Variants in TMEM216 observed in about 807,000 individuals in gnomAD.
TMEM216 encodes cerebello-oculo-renal syndrome 2.
Under a neutral mutation model 17.8 loss-of-function variants are expected in TMEM216, and 15 were observed. That is an observed-to-expected ratio of 0.84 (90% CI 0.56 to 1.30). The LOEUF is 1.30. TMEM216 is among the 50% of genes most tolerant of loss of function. The pLI, the probability that TMEM216 is intolerant of heterozygous loss-of-function variation, is 0.00. For synonymous variants in TMEM216, 58 were observed against 73.5 expected (o/e 0.79, Z 1.08); for missense variants, 160 against 175.7 (o/e 0.91, Z 0.51).
chr11:61,392,705 C>T (rs1439053048), intron 1 of TMEM216, 40 bp downstream of exon 1: 2 of 1,536,004 alleles, frequency 1.3e-6, no homozygotes, highest in Non-Finnish European at 1.7e-6. Flanking sequence ...GTCCCTTTCC[C>T]TTCGGTCGCT....
chr11:61,397,694 C>A, intron 3 of TMEM216, 80 bp from the exon 4 acceptor site: 1 of 1,326,512 alleles, frequency 7.5e-7, no homozygotes, highest in Non-Finnish European at 1.1e-6. Flanking sequence ...CCTTGCCATT[C>A]CATCACATCT....
intron 4 of TMEM216, 88 bp downstream of exon 4, chr11:61,398,063 G>T: frequency 1.3e-6 from 2 of 1,529,094 alleles, no homozygotes; most frequent in Non-Finnish European, 1.8e-6. Context: ...AAGCCTAAGG[G>T]GTCTAGAAGA....
chr11:61,394,771 A>G (rs368102059), intron 3 of TMEM216, among the ~76,000 whole-genome samples: 152 of 151,524 alleles, frequency 1.0e-3, no homozygotes, highest in African/African-American at 3.3e-3. Flanking sequence ...GGTTCAAGCA[A>G]TTCTCCTGCC....
At chr11:61,396,028 A>T (rs1379626370) in intron 3 of TMEM216, among the ~76,000 whole-genome samples, 5 of 149,332 alleles carry the variant, frequency 3.3e-5, no homozygotes, top group African/African-American at 7.7e-5. Flanking sequence ...AAACTAGATT[A>T]AAAAAAAATT....
chr11:61,393,247 C>T lies in TMEM216; in HGVS notation c.51C>T (p.Ser17=), dbSNP rs548233683. 2.3e-5 allele frequency: 36 copies of T among 1,535,888 alleles called. No individual in the cohort carries two copies. The African/African-American group carries it at 4.9e-4, about 21-fold the overall frequency. The change falls in exon 2 of 5, where the codon TCC becomes TCT. Residue 17 remains serine (S), a synonymous_variant. Coordinates refer to ENST00000515837, the MANE Select transcript of TMEM216 (RefSeq NM_001173990.3). ...KMAPRGKRLS[S]TPLEILFFLN... is the part of the protein sequence containing the mutation. ...CTTTTTCAGGTAAACGGTTGTCCTC[C>T]ACCCCGCTGGAAATCCTGTTCTTTC...
intron 1 of TMEM216, 136 bp from the exon 2 acceptor site, chr11:61,393,095 A>G: frequency 1.4e-6 from 1 of 694,256 alleles, no homozygotes. Flanking sequence ...CCTCATTATC[A>G]GCAACCAGAA....
chr11:61,392,620 C>G lies in TMEM216; in HGVS notation c.-12C>G, dbSNP rs763446103. 1 of 1,535,790 alleles carries G rather than the reference C, an allele frequency of 6.5e-7. No individual in the cohort carries two copies. The highest frequency in any genetic ancestry group is 1.2e-5 in the South Asian group (1 of 84,048). On this transcript the variant is annotated 5_prime_UTR_variant, in exon 1 of 5. Transcript: ENST00000515837. The stretch of plus-strand genomic sequence containing the variant: ...CAGCGCCGCGCTGCTCCGGGAGCCG[C>G]TGTGGCAGCGTATGCTGCCACGGGG...
intron 3 of TMEM216, among the ~76,000 whole-genome samples, chr11:61,395,713 C>T (rs952690368): frequency 5.5e-5 from 8 of 145,582 alleles, no homozygotes; most frequent in African/African-American, 1.9e-4. Flanking sequence ...CTAGCCTGGG[C>T]GACAAAGTGA....
chr11:61,394,020 C>G, intron 3 of TMEM216, 44 bp downstream of exon 3: 1 of 1,551,254 alleles, frequency 6.4e-7, no homozygotes, highest in South Asian at 1.1e-5. Flanking sequence ...ATGAGACAAG[C>G]TGGTATCTGT....
intron 3 of TMEM216, among the ~76,000 whole-genome samples, chr11:61,397,133 C>G (rs1355520449): frequency 6.6e-6 from 1 of 151,652 alleles, no homozygotes; most frequent in Admixed American, 6.6e-5. Flanking sequence ...AGGTCTTTCA[C>G]TTTCTATAGT....
chr11:61,392,832 A>G (rs1858704440), intron 1 of TMEM216, 167 bp downstream of exon 1: 1 of 985,204 alleles, frequency 1.0e-6, no homozygotes, highest in Admixed American at 6.2e-5. Flanking sequence ...GGGTGCCTGA[A>G]GGTCTCAAGG....
chr11:61,392,644 G>A lies in TMEM216; in HGVS notation c.13G>A (p.Gly5Arg), dbSNP rs1793119257. The A allele has an allele frequency of 2.0e-6, 3 of 1,536,100 alleles. No homozygotes were observed. The highest frequency in any genetic ancestry group is 2.6e-6 in the Non-Finnish European group (3 of 1,146,902). Residue 5 changes from glycine (G) to arginine (R), a missense_variant, in exon 1 of 5, where the codon GGA becomes AGA. Transcript: ENST00000515837. MLPRGLKMAPRGKRL... is the reference protein window; with the variant it reads MLPRRLKMAPRGKRL... Reference sequence around the variant, plus strand: ...GCTGTGGCAGCGTATGCTGCCACGGGGACTGAAGATGGCGCCGCGAGGTGA... The same window carrying A: ...GCTGTGGCAGCGTATGCTGCCACGGAGACTGAAGATGGCGCCGCGAGGTGA...
chr11:61,397,054 T>C (rs1025351773), intron 3 of TMEM216, among the ~76,000 whole-genome samples: 2 of 152,040 alleles, frequency 1.3e-5, no homozygotes, highest in African/African-American at 4.8e-5. Flanking sequence ...AATATGTGAA[T>C]ATATACGTAT....
intron 1 of TMEM216, 32 bp from the exon 2 acceptor site, chr11:61,393,199 G>GC (rs764098583): frequency 5.4e-5 from 81 of 1,495,824 alleles, no homozygotes; most frequent in Non-Finnish European, 6.7e-5. Flanking sequence ...CTGCCTTCCG[G>GC]CCCATCCCAC....
intron 3 of TMEM216, chr11:61,394,217 T>C (rs567218614): frequency 1.5e-4 from 71 of 485,728 alleles, no homozygotes; most frequent in South Asian, 1.4e-3. Context: ...CCTTCCCAGC[T>C]GCCTAACTGC....
chr11:61,395,460 C>T (rs1644516322), intron 3 of TMEM216, among the ~76,000 whole-genome samples: 1 of 152,064 alleles, frequency 6.6e-6, no homozygotes, highest in African/African-American at 2.4e-5. Context: ...TAAAAATTGG[C>T]TGGGCGCAGT....
chr11:61,394,760 G>A (rs1858762329), intron 3 of TMEM216, among the ~76,000 whole-genome samples: 2 of 151,362 alleles, frequency 1.3e-5, no homozygotes, highest in Admixed American at 1.3e-4. Flanking sequence ...TCCGCCTCCC[G>A]GGTTCAAGCA....
At position 61,398,353 on chromosome 11, in the gene TMEM216, G is replaced by C; in HGVS notation, c.*77G>C. The C allele has an allele frequency of 6.7e-7, 1 of 1,484,742 alleles. No individual in the cohort carries two copies. Among genetic ancestry groups the C allele is most frequent in the Non-Finnish European group, 9.3e-7 (1 of 1,075,786 alleles). The allele number at this position is 1,484,742 out of a possible 1,614,324, so 92.0% of individuals were successfully genotyped here. A position where few individuals can be genotyped will look rare whatever the true frequency, so the allele number is the denominator to read the frequency against. On this transcript the variant is annotated 3_prime_UTR_variant, in exon 5 of 5. Coordinates refer to ENST00000515837, the MANE Select transcript of TMEM216 (RefSeq NM_001173990.3). ...TCTGGTACTTTAGCCACACCAGTGA[G>C]AATTGGTGGGGCAAGTTGTCCTGAG...
intron 3 of TMEM216, 166 bp downstream of exon 3, chr11:61,394,142 A>G (rs1590642634): frequency 3.2e-6 from 2 of 618,036 alleles, no homozygotes; most frequent in East Asian, 5.7e-5. Flanking sequence ...ACATTGGGTC[A>G]AGATTTACCT....
Sources: allele counts gnomAD v4.1 joint callset (sites outside exome capture counted in the v4.1 genomes callset), GRCh38; gene constraint gnomAD v4.1.1; transcripts MANE v1.5; gene names NCBI Gene and HGNC (gene_info 2026-07-23, HGNC 2026-07-21).